RFWD3: variants seen among roughly 807,000 people sequenced by gnomAD.
The protein encoded by RFWD3 is ring finger and WD repeat domain 3.
Under a neutral mutation model 87.7 loss-of-function variants are expected in RFWD3, and 65 were observed. That is an observed-to-expected ratio of 0.74 (90% CI 0.61 to 0.91). The LOEUF (loss-of-function observed/expected upper bound fraction) is 0.91, where lower values mean the gene tolerates loss of function less well. Ranked by LOEUF, RFWD3 falls within the 40% of genes least tolerant of loss-of-function variation. The pLI is 0.00. For missense variants in RFWD3, 1,078 were observed against 938.5 expected (o/e 1.15, Z -1.94); for synonymous variants, 433 against 352.8 (o/e 1.23, Z -2.55).
intron 1 of RFWD3, among the ~76,000 whole-genome samples, chr16:74,666,062 G>A (rs574076360): frequency 3.0e-4 from 46 of 152,152 alleles, no homozygotes; most frequent in African/African-American, 8.7e-4. Context: ...GGGAGAGGCG[G>A]AGGGGGAAGA....
intron 2 of RFWD3, 31 bp downstream of exon 2, chr16:74,660,901 T>C (rs1261584607): frequency 6.3e-7 from 1 of 1,579,620 alleles, no homozygotes. Flanking sequence ...AGTACAGCAA[T>C]GATCACAGAC....
At position 74,637,878 on chromosome 16, in the gene RFWD3, G is replaced by C; in HGVS notation, c.1172C>G (p.Thr391Ser). ...TACCTGAACACGCCTTTGAAGCCTA[G>C]TGCACTTATCAGTGAGGACCTGCAG... Reference protein sequence around the residue: ...LQLQVLTDKCTRLQRRVQDLQ... With the variant: ...LQLQVLTDKCSRLQRRVQDLQ... The change falls in exon 7 of 13, where the codon ACT becomes AGT. Residue 391 changes from threonine (T) to serine (S), a missense_variant. Coordinates refer to ENST00000361070, the MANE Select transcript of RFWD3 (RefSeq NM_018124.4). The C allele has an allele frequency of 2.5e-6, 4 of 1,612,670 alleles. No individual in the cohort carries two copies. The highest frequency in any genetic ancestry group is 3.4e-6 in the Non-Finnish European group (4 of 1,179,518).
rs760118115 is a variant in RFWD3, at chr16:74,644,729, G to A, written c.799C>T (p.Pro267Ser). ...GGTAGCAGAGGCTCAGACTTCTGGG[G>A]AGATGGCTAGATGGAAAGCAGAATA... ...GGKTLPKQPS[P>S]QKSEPLLPSA... Residue 267 changes from proline to serine, a missense_variant, in exon 5 of 13, where the codon CCC (proline) becomes TCC (serine). Physicochemically the swap from Pro to Ser is moderately conservative, Grantham distance 74. Transcript: ENST00000361070. The A allele has an allele frequency of 1.8e-5, 29 of 1,609,972 alleles. No homozygotes were observed. Among genetic ancestry groups the A allele is most frequent in the Non-Finnish European group, 2.5e-5 (29 of 1,176,906 alleles).
At chr16:74,633,362 A>G (rs1157709829) in intron 8 of RFWD3, among the ~76,000 whole-genome samples, 2 of 152,114 alleles carry the variant, frequency 1.3e-5, no homozygotes, top group East Asian at 1.9e-4. Context: ...AAAAAAAGAA[A>G]AAGTATAACC....
In RFWD3 at chr16:74,632,549, G is replaced by A. The variant is rs767869165; in HGVS notation, c.1551C>T (p.Ser517=). The A allele has an allele frequency of 8.7e-6, 14 of 1,613,872 alleles. No homozygotes were observed. Among genetic ancestry groups the A allele is most frequent in the South Asian group, 7.7e-5 (7 of 91,076 alleles). ...TGGTCAGTTTAATAGTGTTGTCTAG[G>A]GAAGCAGAGAGTAGCAAGCCTCTGA... ...SYLRGLLLSA[S]LDNTIKLTSL... The change falls in exon 9 of 13, where the codon TCC becomes TCT. Residue 517 remains serine, a synonymous_variant. Coordinates refer to ENST00000361070, the MANE Select transcript of RFWD3 (RefSeq NM_018124.4).
chr16:74,661,318 G>A lies in RFWD3; in HGVS notation c.132C>T (p.Val44=), dbSNP rs145511565. 4 of 1,613,856 alleles carry A rather than the reference G, an allele frequency of 2.5e-6. No homozygotes were observed. Among genetic ancestry groups the A allele is most frequent in the African/African-American group, 2.7e-5 (2 of 74,876 alleles). Residue 44 remains valine (V), a synonymous_variant, in exon 2 of 13, where the codon GTC becomes GTT. Coordinates refer to ENST00000361070, the MANE Select transcript of RFWD3 (RefSeq NM_018124.4). ...ALLQPVPADV[V]SSQGVPSILQ... ...GGATGGATGGTACCCCCTGGCTGCT[G>A]ACCACATCAGCAGGAACAGGCTGGA...
chr16:74,648,029 C>T (rs1489102385), intron 4 of RFWD3, among the ~76,000 whole-genome samples: 1 of 152,136 alleles, frequency 6.6e-6, no homozygotes, highest in Non-Finnish European at 1.5e-5. Context: ...TCACTGAAGC[C>T]TTGACCTCCC....
chr16:74,642,508 T>C (rs1001998460), intron 6 of RFWD3, among the ~76,000 whole-genome samples: 25 of 152,046 alleles, frequency 1.6e-4, no homozygotes, highest in Non-Finnish European at 8.8e-5. Flanking sequence ...CAGATTTATC[T>C]TTATTTTTTT....
chr16:74,645,573 G>A (rs534730650), intron 4 of RFWD3, among the ~76,000 whole-genome samples: 10 of 152,098 alleles, frequency 6.6e-5, no homozygotes, highest in South Asian at 2.1e-4. Flanking sequence ...GGCTGGTCCC[G>A]AACTCCTGAC....
chr16:74,656,140 C>T (rs1345651668), intron 2 of RFWD3, among the ~76,000 whole-genome samples: 1 of 151,610 alleles, frequency 6.6e-6, no homozygotes, highest in Non-Finnish European at 1.5e-5. Flanking sequence ...CTACAAAAAA[C>T]AGAAAAAATT....
At chr16:74,662,101 T>C (rs1364561529) in intron 1 of RFWD3, among the ~76,000 whole-genome samples, 4 of 152,236 alleles carry the variant, frequency 2.6e-5, no homozygotes, top group Admixed American at 2.0e-4. Context: ...TTTAATTCCA[T>C]TGTATCAGTT....
At chr16:74,631,466 C>CTCTCTCTA (rs1284297828) in intron 9 of RFWD3, among the ~76,000 whole-genome samples, 3 of 151,342 alleles carry the variant, frequency 2.0e-5, no homozygotes, top group Non-Finnish European at 4.4e-5. Flanking sequence ...GAGTGAGACT[C>CTCTCTCTA]TCTCTCTCTC....
chr16:74,630,124 C>G (rs1005080551), intron 10 of RFWD3, among the ~76,000 whole-genome samples: 5 of 151,712 alleles, frequency 3.3e-5, no homozygotes, highest in African/African-American at 1.2e-4. Context: ...GAGATGGCGT[C>G]TCACTCTGTT....
intron 1 of RFWD3, chr16:74,665,209 T>C (rs894227307): frequency 5.3e-5 from 8 of 152,236 alleles, no homozygotes; most frequent in African/African-American, 1.9e-4. Flanking sequence ...GACACTGAAA[T>C]GCCCAGGCGG....
In RFWD3 at chr16:74,632,616, A is replaced by G. The variant is rs1347213303; in HGVS notation, c.1484T>C (p.Met495Thr). ...CAGTCCACGGATCTGTTTGCCATGC[A>G]TCGGAATGTACTGACTGCTCTTCAT... The part of the protein sequence containing the change: ...ANMKSSQYIP[M>T]HGKQIRGLAF... The change falls in exon 9 of 13, where the codon ATG becomes ACG. Residue 495 changes from methionine (M) to threonine (T), a missense_variant. By Grantham distance (81) the Met-to-Thr change is moderately conservative (BLOSUM62 -1). Transcript: ENST00000361070. 4.3e-6 allele frequency: 7 copies of G among 1,614,166 alleles called. No homozygotes were observed. The highest frequency in any genetic ancestry group is 2.2e-5 in the South Asian group (2 of 91,086).
In RFWD3 at chr16:74,660,973, C is replaced by A. The variant is rs763326198; in HGVS notation, c.477G>T (p.Arg159=). The part of the protein sequence containing the change: ...MRTRRRVSAS[R]RARAGGSQRT... ...TCTGAGACCCTCCGGCTCTTGCCCTCCGTGAAGCAGATACCCTCCTTCTTG... is the reference window on the plus strand; with the variant it reads ...TCTGAGACCCTCCGGCTCTTGCCCTACGTGAAGCAGATACCCTCCTTCTTG... Residue 159 remains arginine, a synonymous_variant, in exon 2 of 13, where the codon CGG becomes CGT. Transcript: ENST00000361070. The A allele has an allele frequency of 5.0e-6, 8 of 1,614,156 alleles. No homozygotes were observed. In the Admixed American group the frequency reaches 8.3e-5, roughly 17 times the overall value.
At chr16:74,629,258 T>C (rs371396855) in intron 10 of RFWD3, among the ~76,000 whole-genome samples, 2 of 152,216 alleles carry the variant, frequency 1.3e-5, no homozygotes, top group Admixed American at 6.5e-5. Context: ...GTTGCCAAAG[T>C]GTCTACTTTG....
chr16:74,644,524 T>C lies in RFWD3; in HGVS notation c.987+17A>G. 2 of 1,614,194 alleles carry C rather than the reference T, an allele frequency of 1.2e-6. No homozygotes were observed. Among genetic ancestry groups the C allele is most frequent in the Admixed American group, 1.7e-5 (1 of 60,024 alleles). On this transcript the variant is annotated intron_variant, in intron 5 of 12. Transcript: ENST00000361070. ...CCTGACTTAACATGTTAATGTGTCC[T>C]TACCTATGGTCCTTACCTGGGGACA...
At chr16:74,658,683 A>T (rs913871221) in intron 2 of RFWD3, among the ~76,000 whole-genome samples, 5 of 152,170 alleles carry the variant, frequency 3.3e-5, no homozygotes, top group African/African-American at 1.2e-4. Context: ...CTTTGTGGAG[A>T]CAGATTATGG....
Sources: allele counts gnomAD v4.1 joint callset (sites outside exome capture counted in the v4.1 genomes callset), GRCh38; gene constraint gnomAD v4.1.1; transcripts MANE v1.5; gene names NCBI Gene and HGNC (gene_info 2026-07-23, HGNC 2026-07-21).